Variants in UMOD observed in about 807,000 individuals in gnomAD.
UMOD encodes Tamm-Horsfall urinary glycoprotein.
A neutral mutation model predicts 66.0 loss-of-function variants in UMOD; 64 were observed. The ratio of observed to expected loss-of-function variants is 0.97; its 90% CI spans 0.79 to 1.19. The LOEUF (loss-of-function observed/expected upper bound fraction) is 1.19, where lower values mean the gene tolerates loss of function less well. Among genes scored for constraint, UMOD ranks in the 50% most tolerant of loss-of-function variants. UMOD has a pLI of 0.00. For synonymous variants in UMOD, 398 were observed against 352.7 expected (o/e 1.13, Z -1.44); for missense variants, 764 against 850.9 (o/e 0.90, Z 1.27).
At chr16:20,343,993 T>C (rs931994543) in intron 6 of UMOD, 31 bp downstream of exon 6, 65 of 1,612,008 alleles carry the variant, frequency 4.0e-5, no homozygotes, top group Non-Finnish European at 5.5e-5. Flanking sequence ...TAGAACCATC[T>C]AGGGGCCCTA....
In UMOD at chr16:20,335,521, C is replaced by T; in HGVS notation, c.1823-1G>A. The T allele has an allele frequency of 1.2e-6, 2 of 1,614,110 alleles. No individual in the cohort carries two copies. The highest frequency in any genetic ancestry group is 1.7e-6 in the Non-Finnish European group (2 of 1,179,988). On this transcript the variant is annotated splice_acceptor_variant, in intron 9 of 10. Transcript: ENST00000396138. LOFTEE classifies it high-confidence loss of function. The stretch of plus-strand genomic sequence containing the variant: ...GCCCTTGAGACTGTGGCCTGGACAC[C>T]TTTGGAGGAAAACAGAAGGATCAGT...
intron 5 of UMOD, among the ~76,000 whole-genome samples, chr16:20,345,373 C>A (rs572600223): frequency 1.2e-3 from 177 of 147,750 alleles, no homozygotes; most frequent in Non-Finnish European, 8.1e-4. Context: ...TTCTTCCTTT[C>A]TTCCTTCCTT....
chr16:20,353,760 C>CT (rs11363409), upstream of UMOD, among the ~76,000 whole-genome samples: 21,045 of 147,464 alleles, frequency 0.14, 1,707 homozygotes, highest in Middle Eastern at 0.19. Flanking sequence ...CTGCATTGAT[C>CT]TTTTTTTTTT....
At chr16:20,347,213 G>A (rs1965636274) in intron 4 of UMOD, among the ~76,000 whole-genome samples, 1 of 152,086 alleles carries the variant, frequency 6.6e-6, no homozygotes, top group Admixed American at 6.5e-5. Context: ...AGTAGAGATG[G>A]GATTTTGCCA....
chr16:20,344,318 T>C, intron 5 of UMOD, 146 bp from the exon 6 acceptor site: 1 of 826,506 alleles, frequency 1.2e-6, no homozygotes, highest in Non-Finnish European at 1.9e-6. Context: ...AAAAGCTGCC[T>C]GTGGCCGGGC....
chr16:20,344,133 G>C lies in UMOD; in HGVS notation c.1222C>G (p.Leu408Val). The C allele has an allele frequency of 6.2e-7, 1 of 1,613,744 alleles. No homozygotes were observed. Among genetic ancestry groups the C allele is most frequent in the African/African-American group, 1.3e-5 (1 of 74,864 alleles). Residue 408 changes from leucine to valine, a missense_variant, in exon 6 of 11, where the codon CTG becomes GTG. By Grantham distance (32) the Leu-to-Val change is conservative. Transcript: ENST00000396138. ...THATYSNTLYLADEIIIRDLN... is the reference protein window; with the variant it reads ...THATYSNTLYVADEIIIRDLN... ...TCACGGATGATGATCTCATCTGCCA[G>C]GTAGAGGGTGTTGCTGTAAGTGGCA...
chr16:20,352,094 GCA>G (rs1169561897), intron 1 of UMOD, among the ~76,000 whole-genome samples: 4 of 150,062 alleles, frequency 2.7e-5, no homozygotes, highest in Non-Finnish European at 5.9e-5. Context: ...GCATGTATGT[GCA>G]CACACACATA....
chr16:20,340,991 CAAAA>C (rs560216745), intron 7 of UMOD, 96 bp downstream of exon 7: 2,004 of 1,022,742 alleles, frequency 2.0e-3, no homozygotes, highest in Middle Eastern at 2.2e-3. Context: ...AAGACTCTGT[CAAAA>C]AAAAAAAAAA....
chr16:20,338,907 C>T (rs1770704560), intron 7 of UMOD, among the ~76,000 whole-genome samples: 1 of 152,030 alleles, frequency 6.6e-6, no homozygotes, highest in Non-Finnish European at 1.5e-5. Flanking sequence ...TGACAGGCGC[C>T]CACCACCATG....
intron 6 of UMOD, among the ~76,000 whole-genome samples, chr16:20,343,778 CAG>C (rs1280086529): frequency 1.3e-5 from 2 of 152,222 alleles, no homozygotes; most frequent in Non-Finnish European, 2.9e-5. Flanking sequence ...TAGTAAGTGA[CAG>C]AGCTGGGGCT....
At chr16:20,346,874 AAAGAAAGAGAGAAAG>A (rs1489774218) in intron 4 of UMOD, among the ~76,000 whole-genome samples, 7 of 87,168 alleles carry the variant, frequency 8.0e-5, no homozygotes, top group Admixed American at 2.4e-4. Context: ...ATAATAAAAA[AAAGAAAGAGAGAAAG>A]AAAGAAAGAA....
intron 1 of UMOD, 181 bp from the exon 2 acceptor site, chr16:20,351,020 C>T (rs1442005406): frequency 6.2e-6 from 3 of 483,966 alleles, no homozygotes; most frequent in Non-Finnish European, 1.1e-5. Context: ...CCCTCCTTAC[C>T]TCACCAACAT....
intron 5 of UMOD, among the ~76,000 whole-genome samples, chr16:20,344,982 T>G (rs1240997841): frequency 6.6e-6 from 1 of 152,224 alleles, no homozygotes; most frequent in Non-Finnish European, 1.5e-5. Flanking sequence ...GAATTTCAAA[T>G]GCCATCCTTG....
upstream of UMOD, among the ~76,000 whole-genome samples, chr16:20,353,407 G>A (rs1447949270): frequency 1.3e-5 from 2 of 152,160 alleles, no homozygotes. Flanking sequence ...TGTTTATTGT[G>A]TGGCAGTGGG....
intron 7 of UMOD, among the ~76,000 whole-genome samples, chr16:20,340,314 G>A (rs1045706506): frequency 6.6e-6 from 1 of 151,792 alleles, no homozygotes; most frequent in Non-Finnish European, 1.5e-5. Context: ...TGAGGCTGCC[G>A]TGAGCTATGA....
intron 6 of UMOD, 84 bp downstream of exon 6, chr16:20,343,940 G>C (rs1174296146): frequency 6.5e-7 from 1 of 1,528,332 alleles, no homozygotes; most frequent in Non-Finnish European, 9.0e-7. Context: ...GCTCCCTGTG[G>C]GTGGCAGTTG....
At chr16:20,350,201 C>A (rs1174240989) in intron 2 of UMOD, among the ~76,000 whole-genome samples, 1 of 152,114 alleles carries the variant, frequency 6.6e-6, no homozygotes, top group Non-Finnish European at 1.5e-5. Flanking sequence ...AGTGGGGTGA[C>A]AGCAAATCTC....
At position 20,336,721 on chromosome 16, in the gene UMOD, A is replaced by C; in HGVS notation, c.1747T>G (p.Ser583Ala). 6.2e-7 allele frequency: 1 copy of C among 1,614,104 alleles called. No homozygotes were observed. Among genetic ancestry groups the C allele is most frequent in the Non-Finnish European group, 8.5e-7 (1 of 1,179,972 alleles). The change falls in exon 9 of 11, where the codon TCT (serine) becomes GCT (alanine). Residue 583 changes from serine (S) to alanine (A), a missense_variant. Coordinates refer to ENST00000396138, the MANE Select transcript of UMOD (RefSeq NM_003361.4). Reference protein sequence around the residue: ...TMNEKCKPTCSGTRFRSGSVI... With the variant: ...TMNEKCKPTCAGTRFRSGSVI... ...CTCCCACTTCGGAATCTGGTCCCAGAGCAGGTCTACAGGGAGAGGGCAATA... is the reference window on the plus strand; with the variant it reads ...CTCCCACTTCGGAATCTGGTCCCAGCGCAGGTCTACAGGGAGAGGGCAATA...
At chr16:20,343,292 C>T (rs1965347149) in intron 6 of UMOD, among the ~76,000 whole-genome samples, 1 of 152,048 alleles carries the variant, frequency 6.6e-6, no homozygotes, top group Non-Finnish European at 1.5e-5. Context: ...TACGTGGCAC[C>T]CAGTATGAAT....
Sources: allele counts gnomAD v4.1 joint callset (sites outside exome capture counted in the v4.1 genomes callset), GRCh38; gene constraint gnomAD v4.1.1; transcripts MANE v1.5; gene names NCBI Gene and HGNC (gene_info 2026-07-23, HGNC 2026-07-21).